The following TMEM135 variants were observed in gnomAD, a reference collection of about 807,000 sequenced individuals.
TMEM135 encodes the protein transmembrane protein 135, also known as peroxisomal membrane protein 52.
Under a neutral mutation model 60.3 loss-of-function variants are expected in TMEM135, and 30 were observed. The observed-to-expected ratio is 0.50, with a 90% CI of 0.37 to 0.68. TMEM135 has a LOEUF of 0.68. Ranked by LOEUF, TMEM135 falls within the 30% of genes least tolerant of loss-of-function variation. The pLI is 0.00. For synonymous variants in TMEM135, 190 were observed against 186.7 expected (o/e 1.02, Z -0.14); for missense variants, 468 against 548.8 (o/e 0.85, Z 1.47).
intron 5 of TMEM135, among the ~76,000 whole-genome samples, chr11:87,166,195 T>A (rs930885770): frequency 6.6e-6 from 1 of 151,492 alleles, no homozygotes; most frequent in Non-Finnish European, 1.5e-5. Flanking sequence ...GTAAATTTAT[T>A]TAAGTATTAG....
chr11:87,223,696 C>T (rs112936060), intron 5 of TMEM135, among the ~76,000 whole-genome samples: 12 of 149,408 alleles, frequency 8.0e-5, no homozygotes, highest in African/African-American at 2.7e-4. Flanking sequence ...CACACACACA[C>T]AAAATTAGCT....
chr11:87,309,738 A>G (rs1942610313), intron 10 of TMEM135, 66 bp downstream of exon 10: 1 of 1,542,132 alleles, frequency 6.5e-7, no homozygotes. Flanking sequence ...AGAATGAGAG[A>G]TGGCCTTAGT....
At chr11:87,073,089 G>T (rs1171058245) in intron 3 of TMEM135, among the ~76,000 whole-genome samples, 2 of 152,132 alleles carry the variant, frequency 1.3e-5, no homozygotes, top group Non-Finnish European at 2.9e-5. Context: ...AGGCTGGAGT[G>T]CAGTTGTGCG....
chr11:87,264,307 C>CTTTTTTTTTTTTTTTTTTTTTTTTTT (rs145849024), intron 6 of TMEM135, among the ~76,000 whole-genome samples: 1 of 146,720 alleles, frequency 6.8e-6, no homozygotes, highest in Non-Finnish European at 1.5e-5. Context: ...TGTTCTTTTT[C>CTTTTTTTTTTTTTTTTTTTTTTTTTT]TTTTCTTTTT....
At chr11:87,149,623 A>G (rs1439081262) in intron 4 of TMEM135, among the ~76,000 whole-genome samples, 1 of 152,194 alleles carries the variant, frequency 6.6e-6, no homozygotes, top group East Asian at 1.9e-4. Context: ...CTTACTGAGC[A>G]CTGACTTCTA....
intron 6 of TMEM135, among the ~76,000 whole-genome samples, chr11:87,249,280 T>A (rs1941362587): frequency 6.6e-6 from 1 of 152,144 alleles, no homozygotes; most frequent in African/African-American, 2.4e-5. Flanking sequence ...TACCCAGGTT[T>A]TTGAGGGTTT....
Position 87,095,354 on chromosome 11 carries a change from C to T in TMEM135, c.396+3959C>T, listed in dbSNP as rs921085974. On this transcript the variant is annotated intron_variant, in intron 4 of 14. Transcript: ENST00000305494. Reference sequence around the variant, plus strand: ...CAGCACTATAAGGTTCCCAATTTTTCAGTTTTCTACCACAATAAAAGCACT... The same window carrying T: ...CAGCACTATAAGGTTCCCAATTTTTTAGTTTTCTACCACAATAAAAGCACT... The T allele has an allele frequency of 1.1e-4, 23 of 215,670 alleles. No individual in the cohort carries two copies. The East Asian group carries it at 2.4e-3, about 23-fold the overall frequency. 13.4% of individuals were successfully genotyped at this position (215,670 alleles called of 1,614,324 possible). A position where few individuals can be genotyped will look rare whatever the true frequency, so the allele number is the denominator to read the frequency against.
chr11:87,171,083 G>T (rs1272058637), intron 5 of TMEM135, among the ~76,000 whole-genome samples: 1 of 152,098 alleles, frequency 6.6e-6, no homozygotes, highest in African/African-American at 2.4e-5. Flanking sequence ...CCAGTTAGGA[G>T]AAACAATATG....
At chr11:87,318,081 T>C in intron 12 of TMEM135, 56 bp from the exon 13 acceptor site, 2 of 1,377,158 alleles carry the variant, frequency 1.5e-6, no homozygotes, top group African/African-American at 1.4e-5. Context: ...TGCTCAACTA[T>C]GTTTTTAATG....
intron 5 of TMEM135, chr11:87,157,772 C>G (rs970924596): frequency 5.9e-6 from 1 of 170,758 alleles, no homozygotes; most frequent in Admixed American, 6.0e-5. Context: ...ATAAAATAAT[C>G]GGAAATGTTG....
intron 5 of TMEM135, among the ~76,000 whole-genome samples, chr11:87,182,876 C>T (rs2135305253): frequency 6.6e-6 from 1 of 151,744 alleles, no homozygotes; most frequent in East Asian, 1.9e-4. Flanking sequence ...GTGTAATGGC[C>T]TACTTTTATA....
At chr11:87,159,796 T>C (rs1175536192) in intron 5 of TMEM135, among the ~76,000 whole-genome samples, 1 of 152,152 alleles carries the variant, frequency 6.6e-6, no homozygotes, top group East Asian at 1.9e-4. Flanking sequence ...AGTGTCCAGA[T>C]TCTACTTGGA....
chr11:87,269,915 G>A (rs1311071819), intron 6 of TMEM135, among the ~76,000 whole-genome samples: 8 of 124,084 alleles, frequency 6.4e-5, no homozygotes, highest in Non-Finnish European at 1.1e-4. Flanking sequence ...CTGAGGAATC[G>A]CCACACTGAC....
intron 5 of TMEM135, among the ~76,000 whole-genome samples, chr11:87,170,345 C>T (rs1323269044): frequency 6.6e-6 from 1 of 151,994 alleles, no homozygotes; most frequent in Non-Finnish European, 1.5e-5. Context: ...GAGTTGTGAT[C>T]CTTTGGAGGA....
At position 87,302,491 on chromosome 11, in the gene TMEM135, T is replaced by G. The variant is rs754403580; in HGVS notation, c.698+49T>G. 26 of 1,610,388 alleles carry G rather than the reference T, an allele frequency of 1.6e-5. 1 individual carries two copies. Among genetic ancestry groups the G allele is most frequent in the Non-Finnish European group, 2.0e-5 (23 of 1,177,256 alleles). On this transcript the variant is annotated intron_variant, in intron 8 of 14. Transcript: ENST00000305494. ...TAACCTGCTTTGTCACTGTTTCATA[T>G]GATATTTGTACCATGCCAAGGTTAT...
intron 6 of TMEM135, among the ~76,000 whole-genome samples, chr11:87,272,617 T>C (rs1941891630): frequency 7.0e-6 from 1 of 143,058 alleles, no homozygotes; most frequent in Non-Finnish European, 1.6e-5. Context: ...TGTGCCACCA[T>C]GCCTGGCTAA....
At chr11:87,190,222 C>G (rs548234924) in intron 5 of TMEM135, among the ~76,000 whole-genome samples, 3 of 152,282 alleles carry the variant, frequency 2.0e-5, no homozygotes, top group Admixed American at 6.5e-5. Context: ...TAAACATAAT[C>G]AGCATCTCTG....
intron 3 of TMEM135, among the ~76,000 whole-genome samples, chr11:87,074,630 A>G (rs1321526983): frequency 1.3e-5 from 2 of 152,112 alleles, no homozygotes; most frequent in African/African-American, 4.8e-5. Context: ...GGTTATTAAC[A>G]TTTTGCCATT....
chr11:87,283,341 A>G (rs1942103359), intron 6 of TMEM135, among the ~76,000 whole-genome samples: 1 of 151,990 alleles, frequency 6.6e-6, no homozygotes. Context: ...CTCAAAAAAA[A>G]AAAAAGAAAA....
Sources: allele counts gnomAD v4.1 joint callset (sites outside exome capture counted in the v4.1 genomes callset), GRCh38; gene constraint gnomAD v4.1.1; transcripts MANE v1.5; gene names NCBI Gene and HGNC (gene_info 2026-07-23, HGNC 2026-07-21).